The following DCT variants were observed in gnomAD, a reference collection of about 807,000 sequenced individuals.
DCT encodes dopachrome tautomerase.
A neutral mutation model predicts 53.0 loss-of-function variants in DCT; 47 were observed. That is an observed-to-expected ratio of 0.89 (90% CI 0.70 to 1.13). The LOEUF (loss-of-function observed/expected upper bound fraction) is 1.13. Ranked by LOEUF, DCT falls within the 50% of genes most tolerant of loss-of-function variation. DCT has a pLI of 0.00. For synonymous variants in DCT, 244 were observed against 237.0 expected, an observed-to-expected ratio of 1.03 and a Z score of -0.27; for missense variants, 669 against 637.4, an observed-to-expected ratio of 1.05 and a Z score of -0.53.
At chr13:94,477,590 G>A (rs1885177464) in intron 1 of DCT, among the ~76,000 whole-genome samples, 1 of 152,018 alleles carries the variant, frequency 6.6e-6, no homozygotes, top group South Asian at 2.1e-4. Flanking sequence ...CCCTAGCACT[G>A]TGCAATATAT....
At chr13:94,471,298 G>A (rs1884630944) in intron 1 of DCT, among the ~76,000 whole-genome samples, 2 of 151,862 alleles carry the variant, frequency 1.3e-5, no homozygotes, top group Non-Finnish European at 2.9e-5. Context: ...GAGTTTTTTT[G>A]TTTTTTATAA....
At chr13:94,501,539 C>G in the DCT span, among the ~76,000 whole-genome samples, 1 of 152,082 alleles carries the variant, frequency 6.6e-6, no homozygotes, top group African/African-American at 2.4e-5. Flanking sequence ...TACTGTATGC[C>G]TGGCCCTGCA....
intron 2 of DCT, 69 bp downstream of exon 2, chr13:94,468,677 C>T (rs374605321): frequency 1.5e-6 from 2 of 1,355,616 alleles, no homozygotes. Flanking sequence ...GAAATTACTT[C>T]CCACTGCCAT....
At chr13:94,475,074 C>T (rs1884984789) in intron 1 of DCT, among the ~76,000 whole-genome samples, 1 of 152,142 alleles carries the variant, frequency 6.6e-6, no homozygotes, top group Admixed American at 6.5e-5. Flanking sequence ...GATCAGGTTT[C>T]AATTCCAAAG....
chr13:94,442,579 C>T (rs920929242), intron 7 of DCT, among the ~76,000 whole-genome samples: 3 of 152,206 alleles, frequency 2.0e-5, no homozygotes, highest in Non-Finnish European at 2.9e-5. Flanking sequence ...AAAAGAAAAA[C>T]ATGTGCCCTG....
At chr13:94,544,605 T>A in the DCT span, among the ~76,000 whole-genome samples, 1 of 152,176 alleles carries the variant, frequency 6.6e-6, no homozygotes, top group South Asian at 2.1e-4. Context: ...TCCAAGATGA[T>A]CCATTAGAAA....
In DCT at chr13:94,463,585, C is replaced by A. The variant is rs555655134; in HGVS notation, c.864-1396G>T. Among the ~76,000 whole-genome samples the A allele has an allele frequency of 2.0e-5, 3 of 152,122 alleles. No homozygotes were observed. In the South Asian group the frequency reaches 6.3e-4, roughly 32 times the overall value. On this transcript the variant is annotated intron_variant, in intron 4 of 7. Coordinates refer to ENST00000377028, the MANE Select transcript of DCT (RefSeq NM_001922.5). The stretch of plus-strand genomic sequence containing the variant: ...GATTACAGGCGTGAGCCACCGTGCC[C>A]AGCTAGGCTAACTTTTCAAACTTTT...
intron 2 of DCT, chr13:94,467,917 C>T (rs1300679339): frequency 1.3e-5 from 2 of 152,092 alleles, no homozygotes; most frequent in African/African-American, 2.4e-5. Flanking sequence ...GAGTCAAGCC[C>T]TCCTGGAATA....
the DCT span, among the ~76,000 whole-genome samples, chr13:94,497,587 A>G: frequency 6.6e-6 from 1 of 152,228 alleles, no homozygotes; most frequent in South Asian, 2.1e-4. Context: ...ACTACAGAAA[A>G]TAAAATTTTA....
rs375600704 is a variant in DCT, at chr13:94,479,164, G to A, written c.92C>T (p.Thr31Met). 41 of 1,613,670 alleles carry A rather than the reference G, an allele frequency of 2.5e-5. No homozygotes were observed. Among genetic ancestry groups the A allele is most frequent in the East Asian group, 1.3e-4 (6 of 44,876 alleles). ...AQGQFPRVCM[T>M]VDSLVNKECC... ...CTCCTTGTTCACTAGGCTGTCCACCGTCATGCAGACTCGGGGGAACTGACC... is the reference window on the plus strand; with the variant it reads ...CTCCTTGTTCACTAGGCTGTCCACCATCATGCAGACTCGGGGGAACTGACC... Residue 31 changes from threonine to methionine, a missense_variant, in exon 1 of 8, where the codon ACG becomes ATG. Thr to Met is a moderately conservative substitution (Grantham distance 81). Transcript: ENST00000377028.
intron 6 of DCT, among the ~76,000 whole-genome samples, chr13:94,447,239 G>A (rs1882791124): frequency 6.6e-6 from 1 of 152,194 alleles, no homozygotes; most frequent in Non-Finnish European, 1.5e-5. Context: ...TGGTTTTCGA[G>A]GAAGACAATT....
upstream of DCT, among the ~76,000 whole-genome samples, chr13:94,481,583 G>A (rs1048214390): frequency 3.3e-5 from 5 of 152,094 alleles, no homozygotes; most frequent in African/African-American, 2.4e-5. Context: ...GCCCCAGGTC[G>A]AAGTCCTAGG....
chr13:94,444,759 T>A (rs988717675), intron 6 of DCT, among the ~76,000 whole-genome samples: 1 of 152,252 alleles, frequency 6.6e-6, no homozygotes, highest in Non-Finnish European at 1.5e-5. Flanking sequence ...CAGTAAATAC[T>A]TATTCAGTGT....
At chr13:94,546,611 C>G in the DCT span, among the ~76,000 whole-genome samples, 3 of 152,188 alleles carry the variant, frequency 2.0e-5, no homozygotes, top group South Asian at 2.1e-4. This position sits in a 1 kb window ranked among gnomAD's most constrained non-coding sequence, Gnocchi z 4.2. Flanking sequence ...GGAGAGCCCC[C>G]CTCCCCACCA....
chr13:94,531,375 A>G, the DCT span, among the ~76,000 whole-genome samples: 1 of 152,208 alleles, frequency 6.6e-6, no homozygotes, highest in Non-Finnish European at 1.5e-5. Flanking sequence ...GCATCAGGCT[A>G]CCTGACTTCA....
At position 94,479,425 on chromosome 13, in the gene DCT, T is replaced by G; in HGVS notation, c.-170A>C. On this transcript the variant is annotated 5_prime_UTR_variant, in exon 1 of 8. It removes an upstream start codon present in the reference 5' UTR. Coordinates refer to ENST00000377028, the MANE Select transcript of DCT (RefSeq NM_001922.5). ...ACCCACAAGAATCACAGAGGTTACATGTGTGCACATGTGTACATGAACGTG... is the reference window on the plus strand; with the variant it reads ...ACCCACAAGAATCACAGAGGTTACAGGTGTGCACATGTGTACATGAACGTG... 1.6e-6 allele frequency: 1 copy of G among 624,080 alleles called. No individual in the cohort carries two copies. The highest frequency in any genetic ancestry group is 2.7e-6 in the Non-Finnish European group (1 of 367,496). The allele number at this position is 624,080 out of a possible 1,614,324, so 38.7% of individuals were successfully genotyped here.
At chr13:94,520,833 G>C in the DCT span, among the ~76,000 whole-genome samples, 5 of 152,158 alleles carry the variant, frequency 3.3e-5, no homozygotes, top group Non-Finnish European at 7.3e-5. Flanking sequence ...ATAATAATTA[G>C]TCCCCAGAAA....
Position 94,439,747 on chromosome 13 carries a change from A to G in DCT, c.*151T>C. ...AGCAAGCAAAGCGGAAACTACAGCTAAGCATCTTCTGAATGAGATCATCAT... is the reference window on the plus strand; with the variant it reads ...AGCAAGCAAAGCGGAAACTACAGCTGAGCATCTTCTGAATGAGATCATCAT... On this transcript the variant is annotated 3_prime_UTR_variant, in exon 8 of 8. Transcript: ENST00000377028. The G allele has an allele frequency of 1.8e-6, 1 of 565,680 alleles. No individual in the cohort carries two copies. The highest frequency in any genetic ancestry group is 3.0e-6 in the Non-Finnish European group (1 of 337,934). 35.0% of individuals were successfully genotyped at this position (565,680 alleles called of 1,614,324 possible).
At position 94,465,720 on chromosome 13, in the gene DCT, T is replaced by C; in HGVS notation, c.776A>G (p.Asp259Gly). ...TGRNECDVCTDQLFGAARPDD... is the reference protein window; with the variant it reads ...TGRNECDVCTGQLFGAARPDD... The stretch of plus-strand genomic sequence containing the variant: ...TGGTCTCGCTGCCCCAAACAGCTGG[T>C]CTGTACACACATCACACTCGTTCCT... Residue 259 changes from aspartate to glycine, a missense_variant, in exon 4 of 8, where the codon GAC becomes GGC. Transcript: ENST00000377028. 6.2e-7 allele frequency: 1 copy of C among 1,613,428 alleles called. No individual in the cohort carries two copies. Among genetic ancestry groups the C allele is most frequent in the Non-Finnish European group, 8.5e-7 (1 of 1,179,878 alleles).
Sources: gnomAD v4.1 joint callset for allele counts (sites outside exome capture counted in the v4.1 genomes callset) on GRCh38, gnomAD v4.1.1 for gene constraint, Gnocchi (gnomAD v3.1) non-coding constraint, MANE v1.5 for transcripts, NCBI Gene and HGNC (gene_info 2026-07-23, HGNC 2026-07-21) for gene names.